The following ST18 variants were observed in gnomAD, a reference collection of about 807,000 sequenced individuals.
ST18 encodes suppression of tumorigenicity 18 protein.
Under a neutral mutation model 110.0 loss-of-function variants are expected in ST18, and 50 were observed. That is an observed-to-expected ratio of 0.45 (90% CI 0.36 to 0.58). ST18 has a LOEUF of 0.58. Among genes scored for constraint, ST18 ranks in the 20% least tolerant of loss-of-function variants. ST18 has a pLI of 0.00. For missense variants in ST18, 1,306 were observed against 1,280.1 expected (o/e 1.02, Z -0.31); for synonymous variants, 461 against 452.4 (o/e 1.02, Z -0.24).
chr8:52,395,367 A>T (rs1473130485), intron 2 of ST18, among the ~76,000 whole-genome samples: 1 of 152,208 alleles, frequency 6.6e-6, no homozygotes, highest in Non-Finnish European at 1.5e-5. Flanking sequence ...AAGTAGGGAG[A>T]CCCGTTAGGA....
rs113174399 is a variant in ST18 at position 52,128,988 on chromosome 8, T to C, written c.2667-2848A>G. On this transcript the variant is annotated intron_variant, in intron 22 of 25. Coordinates refer to ENST00000689386, the MANE Select transcript of ST18 (RefSeq NM_001352837.2). Reference sequence around the variant, plus strand: ...AAGAAATTGAACAATCTCAGAGATTTCAGATTCAAAATATGTAACATATAA... The same window carrying C: ...AAGAAATTGAACAATCTCAGAGATTCCAGATTCAAAATATGTAACATATAA... Among the ~76,000 whole-genome samples the C allele has an allele frequency of 3.3e-3, 500 of 152,214 alleles. 5 individuals carry two copies. The highest frequency in any genetic ancestry group is 0.011 in the African/African-American group (473 of 41,506).
At chr8:52,286,926 C>T (rs767713906) in intron 2 of ST18, among the ~76,000 whole-genome samples, 3 of 151,928 alleles carry the variant, frequency 2.0e-5, no homozygotes, top group South Asian at 2.1e-4. Context: ...CAACCCACCA[C>T]GGCTTGATTC....
intron 19 of ST18, among the ~76,000 whole-genome samples, chr8:52,134,650 C>A (rs546367618): frequency 9.1e-4 from 138 of 151,972 alleles, no homozygotes; most frequent in African/African-American, 3.0e-3. Flanking sequence ...GAGCATGCAT[C>A]TCTTCTGGCT....
rs535335565 is a variant in ST18, at chr8:52,264,263, C to A, written c.-464-34186G>T. On this transcript the variant is annotated intron_variant, in intron 2 of 25. Coordinates refer to ENST00000689386, the MANE Select transcript of ST18 (RefSeq NM_001352837.2). ...TAATAAGATTTTAAGAAAATTGATA[C>A]CCATGTGGAAATTATAGAGATGCCT... is the stretch of plus-strand genomic sequence containing the variant. Among the ~76,000 whole-genome samples the A allele has an allele frequency of 1.6e-3, 248 of 152,144 alleles. 2 individuals carry two copies. Among genetic ancestry groups the A allele is most frequent in the African/African-American group, 5.7e-3 (237 of 41,506 alleles).
chr8:52,270,710 T>G (rs1437173906), intron 2 of ST18, among the ~76,000 whole-genome samples: 1 of 151,754 alleles, frequency 6.6e-6, no homozygotes, highest in Non-Finnish European at 1.5e-5. Context: ...AGTAGGTAAG[T>G]GGTTGTTTGG....
intron 8 of ST18, among the ~76,000 whole-genome samples, chr8:52,211,414 A>G (rs888747737): frequency 3.5e-4 from 47 of 135,324 alleles, no homozygotes; most frequent in African/African-American, 1.2e-3. Context: ...TATTATTATT[A>G]TTATTATTTT....
At chr8:52,371,531 GTTAATT>G (rs1830270786) in intron 2 of ST18, among the ~76,000 whole-genome samples, 1 of 152,136 alleles carries the variant, frequency 6.6e-6, no homozygotes, top group Admixed American at 6.5e-5. Flanking sequence ...AAAAATTACT[GTTAATT>G]TTAGTTGTGG....
chr8:52,309,582 AT>A lies in ST18; in HGVS notation c.-464-79506del, dbSNP rs111888927. 6.6e-3 allele frequency among the ~76,000 whole-genome samples: 975 copies of A among 147,140 alleles called. 14 individuals are homozygous for A. The highest frequency in any genetic ancestry group is 0.018 in the African/African-American group (714 of 39,496). On this transcript the variant is annotated intron_variant, in intron 2 of 25. Transcript: ENST00000689386. ...CTCATGGAAACTATGAAATATGAGTATTTTTTTTTATGATGAGACTAAAATA... is the reference window on the plus strand; with the variant it reads ...CTCATGGAAACTATGAAATATGAGTATTTTTTTTATGATGAGACTAAAATA...
At chr8:52,335,325 C>G (rs756647535) in intron 2 of ST18, among the ~76,000 whole-genome samples, 16 of 151,212 alleles carry the variant, frequency 1.1e-4, no homozygotes, top group Non-Finnish European at 1.8e-4. Flanking sequence ...ACATCTCCCT[C>G]CCTCTCGCCT....
intron 2 of ST18, among the ~76,000 whole-genome samples, chr8:52,391,464 C>A (rs35361856): frequency 6.6e-6 from 1 of 152,138 alleles, no homozygotes. Context: ...TTCAGTCGCG[C>A]GTCTCACAAA....
chr8:52,149,707 A>C lies in ST18; in HGVS notation c.2052+25T>G. 2 of 1,607,008 alleles carry C rather than the reference A, an allele frequency of 1.2e-6. 1 individual carries two copies. The highest frequency in any genetic ancestry group is 2.2e-5 in the South Asian group (2 of 90,052). On this transcript the variant is annotated intron_variant, in intron 16 of 25. Transcript: ENST00000689386. ...CCTGCAATCATGCTGTCTTCAACTT[A>C]TTGATTGACATATGGAAACAATACC...
intron 2 of ST18, among the ~76,000 whole-genome samples, chr8:52,370,865 G>A (rs1159272109): frequency 6.6e-6 from 1 of 152,174 alleles, no homozygotes. Flanking sequence ...ATTTTTGCAT[G>A]TGTGTACTGA....
At chr8:52,408,834 A>G (rs1845437660) in intron 2 of ST18, 1 of 152,234 alleles carries the variant, frequency 6.6e-6, no homozygotes, top group South Asian at 2.1e-4. Flanking sequence ...CAGGTCTCCT[A>G]TAGCGACAAA....
At chr8:52,402,301 A>G (rs2141109600) in intron 2 of ST18, among the ~76,000 whole-genome samples, 1 of 152,106 alleles carries the variant, frequency 6.6e-6, no homozygotes, top group East Asian at 1.9e-4. Flanking sequence ...TGGCTGTAGA[A>G]CTGGGGTCCT....
intron 2 of ST18, among the ~76,000 whole-genome samples, chr8:52,374,671 A>T (rs1011279002): frequency 2.6e-5 from 4 of 151,900 alleles, no homozygotes; most frequent in Non-Finnish European, 5.9e-5. Flanking sequence ...TCTTTCCCCA[A>T]TGCTCTCCAC....
In ST18 at chr8:52,355,268, T is replaced by C. The variant is rs76409404; in HGVS notation, c.-465+54060A>G. ...CACCTGGAGCCAGTGCCCTTATCTA[T>C]AGACCATGCTTTGGTAACTGGGCTC... On this transcript the variant is annotated intron_variant, in intron 2 of 25. Coordinates refer to ENST00000689386, the MANE Select transcript of ST18 (RefSeq NM_001352837.2). Among the ~76,000 whole-genome samples the C allele has an allele frequency of 6.0e-3, 916 of 152,334 alleles. 13 individuals carry two copies. The highest frequency in any genetic ancestry group is 0.021 in the African/African-American group (868 of 41,582).
chr8:52,344,691 G>A (rs1354740362), intron 2 of ST18, among the ~76,000 whole-genome samples: 3 of 152,102 alleles, frequency 2.0e-5, no homozygotes, highest in African/African-American at 4.8e-5. Flanking sequence ...ATGAGCCACC[G>A]TGCCCAGCCA....
rs2040533576 is a variant in ST18, at chr8:52,111,521, A to G, written c.*1677T>C. 1 of 152,716 alleles carries G rather than the reference A, an allele frequency of 6.5e-6. No homozygotes were observed. Among genetic ancestry groups the G allele is most frequent in the East Asian group, 1.9e-4 (1 of 5,206 alleles). The allele number at this position is 152,716 out of a possible 1,614,324, so 9.5% of individuals were successfully genotyped here. On this transcript the variant is annotated 3_prime_UTR_variant, in exon 26 of 26. Transcript: ENST00000689386. ...AAAGATAAGCCCCACTTAATGCATAACAATGACCAAAGTTTCATGGGAGTG... is the reference window on the plus strand; with the variant it reads ...AAAGATAAGCCCCACTTAATGCATAGCAATGACCAAAGTTTCATGGGAGTG...
chr8:52,169,876 T>C lies in ST18; in HGVS notation c.1069+1916A>G, dbSNP rs1323688609. Among the ~76,000 whole-genome samples, 3 of 152,272 alleles carry C rather than the reference T, an allele frequency of 2.0e-5. No individual in the cohort carries two copies. The East Asian group carries it at 5.8e-4, about 29-fold the overall frequency. On this transcript the variant is annotated intron_variant, in intron 10 of 25. Transcript: ENST00000689386. ...GGCACTAGGATATACCGCTGAGTCA[T>C]CCAGCCCTAGTAGGAATTCGGTAAG...
Sources: gnomAD v4.1 joint callset for allele counts (sites outside exome capture counted in the v4.1 genomes callset) on GRCh38, gnomAD v4.1.1 for gene constraint, MANE v1.5 for transcripts, NCBI Gene and HGNC (gene_info 2026-07-23, HGNC 2026-07-21) for gene names.